The following SLC16A9 variants were observed in gnomAD, a reference collection of about 807,000 sequenced individuals.
The protein encoded by SLC16A9 is monocarboxylate transporter 9.
Under a neutral mutation model 44.3 loss-of-function variants are expected in SLC16A9, and 26 were observed. The observed-to-expected ratio is 0.59, with a 90% CI of 0.43 to 0.81. SLC16A9 has a LOEUF of 0.81. Among genes scored for constraint, SLC16A9 ranks in the 40% least tolerant of loss-of-function variants. SLC16A9 has a pLI of 0.00. For synonymous variants in SLC16A9, 230 were observed against 225.1 expected (o/e 1.02, Z -0.19); for missense variants, 559 against 595.8 (o/e 0.94, Z 0.64).
intron 1 of SLC16A9, among the ~76,000 whole-genome samples, chr10:59,697,080 C>G (rs371584464): frequency 7.3e-5 from 6 of 81,756 alleles, no homozygotes; most frequent in Non-Finnish European, 1.3e-4. Context: ...CCCTCTGCCC[C>G]GCCAGCCGCC....
intron 1 of SLC16A9, among the ~76,000 whole-genome samples, chr10:59,692,997 T>C (rs1327520899): frequency 6.6e-6 from 1 of 152,234 alleles, no homozygotes; most frequent in Non-Finnish European, 1.5e-5. Flanking sequence ...ATGAGACACA[T>C]AACACAAGTG....
At position 59,692,730 on chromosome 10, in the gene SLC16A9, T is replaced by C. The variant is rs187899262; in HGVS notation, c.-36-8403A>G. Among the ~76,000 whole-genome samples, 5 of 152,332 alleles carry C rather than the reference T, an allele frequency of 3.3e-5. No homozygotes were observed. In the East Asian group the frequency reaches 9.6e-4, roughly 29 times the overall value. On this transcript the variant is annotated intron_variant, in intron 1 of 5. Coordinates refer to ENST00000395348, the MANE Select transcript of SLC16A9 (RefSeq NM_194298.3). ...ACTCTTTCCCTCAAACAATGACTTT[T>C]GTCCCTCCAAACATGTATCATTTAT...
At position 59,651,199 on chromosome 10, in the gene SLC16A9, A is replaced by G. The variant is rs1409036614; in HGVS notation, c.*1573T>C. On this transcript the variant is annotated 3_prime_UTR_variant, in exon 6 of 6. Coordinates refer to ENST00000395348, the MANE Select transcript of SLC16A9 (RefSeq NM_194298.3). Reference sequence around the variant, plus strand: ...GAAAAGTACTATTTACCTACCTCACAGAGGTATTGTGAGGATTTGTGTTTA... The same window carrying G: ...GAAAAGTACTATTTACCTACCTCACGGAGGTATTGTGAGGATTTGTGTTTA... 1 of 152,160 alleles carries G rather than the reference A, an allele frequency of 6.6e-6. No homozygotes were observed. The highest frequency in any genetic ancestry group is 2.4e-5 in the African/African-American group (1 of 41,442). 9.4% of individuals were successfully genotyped at this position (152,160 alleles called of 1,614,324 possible). A position where few individuals can be genotyped will look rare whatever the true frequency, so the allele number is the denominator to read the frequency against.
chr10:59,658,569 C>T (rs1164506746), intron 4 of SLC16A9, among the ~76,000 whole-genome samples: 1 of 152,160 alleles, frequency 6.6e-6, no homozygotes, highest in Admixed American at 6.5e-5. Flanking sequence ...CATACTGCCT[C>T]TACAGCAAAT....
intron 1 of SLC16A9, among the ~76,000 whole-genome samples, chr10:59,697,977 A>AAC (rs1352186394): frequency 2.1e-5 from 3 of 143,586 alleles, no homozygotes; most frequent in Non-Finnish European, 4.7e-5. Flanking sequence ...AAAAAAACAA[A>AAC]AAACAAAACA....
At chr10:59,664,415 C>A in intron 3 of SLC16A9, 93 bp from the exon 4 acceptor site, 1 of 752,772 alleles carries the variant, frequency 1.3e-6, no homozygotes, top group Non-Finnish European at 2.2e-6. Context: ...TAAGACATTC[C>A]ATTACTCACT....
intron 1 of SLC16A9, among the ~76,000 whole-genome samples, chr10:59,692,023 G>A (rs1840263836): frequency 6.6e-6 from 1 of 152,100 alleles, no homozygotes; most frequent in Admixed American, 6.6e-5. Context: ...ACCCCCATTT[G>A]AGCATTGTCT....
chr10:59,708,647 G>C (rs1043429720), intron 1 of SLC16A9: 2 of 152,164 alleles, frequency 1.3e-5, no homozygotes, highest in Admixed American at 1.3e-4. Context: ...ACTAAACTTC[G>C]GGGATAGTTT....
intron 1 of SLC16A9, among the ~76,000 whole-genome samples, chr10:59,694,416 C>T (rs1219212553): frequency 1.3e-5 from 2 of 152,012 alleles, no homozygotes; most frequent in Non-Finnish European, 2.9e-5. Context: ...TAAATATCTA[C>T]ATCTTAAAAA....
chr10:59,705,484 A>G (rs1433834200), intron 1 of SLC16A9, among the ~76,000 whole-genome samples: 1 of 152,206 alleles, frequency 6.6e-6, no homozygotes, highest in East Asian at 1.9e-4. Flanking sequence ...ACATAAGGCT[A>G]TGTGGCTCCC....
chr10:59,683,518 A>T (rs534957828), intron 2 of SLC16A9, among the ~76,000 whole-genome samples: 19 of 152,180 alleles, frequency 1.2e-4, no homozygotes, highest in Admixed American at 8.5e-4. Context: ...TAATTTTGTG[A>T]TTGGATTGGA....
chr10:59,671,700 C>T (rs780972318), intron 3 of SLC16A9, among the ~76,000 whole-genome samples: 30 of 152,206 alleles, frequency 2.0e-4, no homozygotes, highest in Admixed American at 4.6e-4. Context: ...CCACCATCAG[C>T]GACAATAGCC....
chr10:59,663,218 GGGCTT>G (rs1184273246), intron 4 of SLC16A9, among the ~76,000 whole-genome samples: 2 of 152,036 alleles, frequency 1.3e-5, no homozygotes, highest in African/African-American at 4.8e-5. Flanking sequence ...AAAATTAGCT[GGGCTT>G]GGTGGCACAT....
chr10:59,705,247 A>T (rs1840612187), intron 1 of SLC16A9, among the ~76,000 whole-genome samples: 1 of 152,088 alleles, frequency 6.6e-6, no homozygotes, highest in Non-Finnish European at 1.5e-5. Context: ...CCAAATGATG[A>T]AAATTAAGAT....
chr10:59,673,964 G>A (rs1467052495), intron 2 of SLC16A9, among the ~76,000 whole-genome samples: 1 of 152,110 alleles, frequency 6.6e-6, no homozygotes, highest in Admixed American at 6.5e-5. Context: ...AAAAACTACA[G>A]AAACAAGCAA....
At chr10:59,665,972 T>C (rs376626382) in intron 3 of SLC16A9, among the ~76,000 whole-genome samples, 17 of 152,146 alleles carry the variant, frequency 1.1e-4, no homozygotes, top group South Asian at 2.1e-4. Flanking sequence ...AGCAGAAATC[T>C]GAAACACATT....
intron 1 of SLC16A9, among the ~76,000 whole-genome samples, chr10:59,707,871 C>G (rs1260856806): frequency 6.6e-6 from 1 of 152,192 alleles, no homozygotes; most frequent in Non-Finnish European, 1.5e-5. Context: ...GATTCAGACA[C>G]CAACCAATTC....
chr10:59,688,204 C>T (rs941994840), intron 1 of SLC16A9, among the ~76,000 whole-genome samples: 2 of 152,142 alleles, frequency 1.3e-5, no homozygotes, highest in Admixed American at 6.5e-5. Context: ...AACAGATAAT[C>T]TCTGAAGACA....
At chr10:59,708,736 C>T (rs190776924) in intron 1 of SLC16A9, 1 of 152,360 alleles carries the variant, frequency 6.6e-6, no homozygotes, top group East Asian at 1.9e-4. Flanking sequence ...TCGTGGTTAT[C>T]AGCTCTCTGG....
Sources: allele counts gnomAD v4.1 joint callset (sites outside exome capture counted in the v4.1 genomes callset), GRCh38; gene constraint gnomAD v4.1.1; transcripts MANE v1.5; gene names NCBI Gene and HGNC (gene_info 2026-07-23, HGNC 2026-07-21).